VPS13A: variants seen among roughly 807,000 people sequenced by gnomAD.
The protein encoded by VPS13A is intermembrane lipid transfer protein VPS13A.
VPS13A carries 264 observed loss-of-function variants against 390.9 expected under a neutral mutation model. The ratio of observed to expected loss-of-function variants is 0.68; its 90% CI spans 0.61 to 0.75. The LOEUF is 0.75. VPS13A is among the 30% of genes least tolerant of loss of function. The pLI, the probability that VPS13A is intolerant of heterozygous loss-of-function variation, is 0.00. For synonymous variants in VPS13A, 1,231 were observed against 1,227.1 expected (o/e 1.00, Z -0.07); for missense variants, 3,409 against 3,733.9 (o/e 0.91, Z 2.27).
At position 77,210,638 on chromosome 9, in the gene VPS13A, T is replaced by C; in HGVS notation, c.518T>C (p.Leu173Pro). 6.2e-7 allele frequency: 1 copy of C among 1,613,938 alleles called. No homozygotes were observed. Among genetic ancestry groups the C allele is most frequent in the South Asian group, 1.1e-5 (1 of 91,080 alleles). ...TAGATCACAAATCGGGACAAACCGC[T>C]GTCATTTGGTATTTCCCTTCAAAAT... ...EDDITNRDKP[L>P]SFGISLQNLS... The change falls in exon 7 of 72, where the codon CTG becomes CCG. Residue 173 changes from leucine (L) to proline (P), a missense_variant. Transcript: ENST00000360280.
At chr9:77,293,038 A>G in intron 31 of VPS13A, among the ~76,000 whole-genome samples, 1 of 152,168 alleles carries the variant, frequency 6.6e-6, no homozygotes, top group East Asian at 1.9e-4. Context: ...TACTTGCAAA[A>G]TGAAAATGCA....
chr9:77,275,582 C>T lies in VPS13A; in HGVS notation c.2597C>T (p.Thr866Ile), dbSNP rs897113521. The change falls in exon 25 of 72, where the codon ACC becomes ATC. Residue 866 changes from threonine (T) to isoleucine (I), a missense_variant. Transcript: ENST00000360280. Reference protein sequence around the residue: ...QFPTGVKSIRTRKLQKQDCSV... With the variant: ...QFPTGVKSIRIRKLQKQDCSV... ...CCAACTGGAGTTAAAAGTATTCGAA[C>T]CAGAAAGTTACAAAAGCAGGATTGT... 1.2e-6 allele frequency: 2 copies of T among 1,613,456 alleles called. No individual in the cohort carries two copies. Among genetic ancestry groups the T allele is most frequent in the African/African-American group, 2.7e-5 (2 of 74,846 alleles).
At chr9:77,406,739 GAAGA>G (rs10545172) in intron 70 of VPS13A, among the ~76,000 whole-genome samples, 43,052 of 150,012 alleles carry the variant, frequency 0.29, 6,429 homozygotes, top group Middle Eastern at 0.36. Flanking sequence ...TTTTTAATTA[GAAGA>G]AAGAATGTAA....
intron 63 of VPS13A, 39 bp from the exon 64 acceptor site, chr9:77,370,218 T>A (rs368676261): frequency 6.3e-7 from 1 of 1,595,594 alleles, no homozygotes; most frequent in Admixed American, 1.7e-5. Context: ...AAAGTGAATA[T>A]AACTCACTCA....
chr9:77,237,327 C>T (rs1824207614), intron 17 of VPS13A, among the ~76,000 whole-genome samples: 1 of 152,018 alleles, frequency 6.6e-6, no homozygotes, highest in South Asian at 2.1e-4. Flanking sequence ...TAGTCATTCT[C>T]GAAGTCCTGC....
chr9:77,259,970 T>C, intron 22 of VPS13A, 116 bp from the exon 23 acceptor site: 1 of 755,800 alleles, frequency 1.3e-6, no homozygotes, highest in South Asian at 2.0e-5. Flanking sequence ...GGAATAGAGA[T>C]TTTTAGTGTT....
intron 67 of VPS13A, among the ~76,000 whole-genome samples, chr9:77,376,355 A>T (rs1049354595): frequency 3.3e-5 from 5 of 152,094 alleles, no homozygotes; most frequent in Non-Finnish European, 5.9e-5. Flanking sequence ...AAGCCAGAGA[A>T]ATGATGTGAG....
In VPS13A at chr9:77,315,363, G is replaced by A. The variant is rs756818592; in HGVS notation, c.4523G>A (p.Cys1508Tyr). 1.5e-5 allele frequency: 24 copies of A among 1,613,994 alleles called. No individual in the cohort carries two copies. The highest frequency in any genetic ancestry group is 2.0e-5 in the Non-Finnish European group (24 of 1,179,878). ...TDAVFQEMYICASVEFLQTVA... is the reference protein window; with the variant it reads ...TDAVFQEMYIYASVEFLQTVA... ...GCGGTCTTTCAAGAAATGTATATTTGTGCAAGCGTAGAATTTCTGCAGACT... is the reference window on the plus strand; with the variant it reads ...GCGGTCTTTCAAGAAATGTATATTTATGCAAGCGTAGAATTTCTGCAGACT... The change falls in exon 38 of 72, where the codon TGT becomes TAT. Residue 1508 changes from cysteine (C) to tyrosine (Y), a missense_variant. This residue lies in a region of VPS13A where 2,717 missense variants were observed against 2,917.4 expected (regional missense o/e 0.93). Coordinates refer to ENST00000360280, the MANE Select transcript of VPS13A (RefSeq NM_033305.3).
intron 19 of VPS13A, among the ~76,000 whole-genome samples, chr9:77,244,163 G>A (rs557324683): frequency 2.0e-5 from 3 of 152,210 alleles, no homozygotes; most frequent in East Asian, 3.9e-4. Flanking sequence ...GCTTGAGCCC[G>A]GGAGGTCAGG....
chr9:77,332,973 C>T (rs1830355879), intron 46 of VPS13A, among the ~76,000 whole-genome samples: 1 of 152,108 alleles, frequency 6.6e-6, no homozygotes, highest in African/African-American at 2.4e-5. Flanking sequence ...ATAGATCGAC[C>T]TGCTAAACCT....
rs774611138 is a variant in VPS13A, at chr9:77,280,284, T to TA, written c.2904+46_2904+47insA. The TA allele has an allele frequency of 2.7e-6, 4 of 1,479,216 alleles. No individual in the cohort carries two copies. The South Asian group carries it at 4.6e-5, about 17-fold the overall frequency. The allele number at this position is 1,479,216 out of a possible 1,614,324, so 91.6% of individuals were successfully genotyped here. A position where few individuals can be genotyped will look rare whatever the true frequency, so the allele number is the denominator to read the frequency against. On this transcript the variant is annotated intron_variant, in intron 27 of 71. Transcript: ENST00000360280. Reference sequence around the variant, plus strand: ...CTGCTTAATATGGTAAGTATGCTGCTGAAATGTTAAGTTTTGTAAGTTTGG... The same window carrying TA: ...CTGCTTAATATGGTAAGTATGCTGCTAGAAATGTTAAGTTTTGTAAGTTTGG...
chr9:77,319,207 A>AG lies in VPS13A; in HGVS notation c.5314-365_5314-364insG, dbSNP rs1564725221. 5.4e-5 allele frequency among the ~76,000 whole-genome samples: 8 copies of AG among 149,128 alleles called. No individual in the cohort carries two copies. In the South Asian group the frequency reaches 1.5e-3, roughly 28 times the overall value. On this transcript the variant is annotated intron_variant, in intron 41 of 71. Transcript: ENST00000360280. ...TGAGACCCAGACTCAAAAAAAAAAA[A>AG]AAGAAAAGAAAAGAGTTAAAGTTGA... is the stretch of plus-strand genomic sequence containing the variant.
At chr9:77,385,020 A>C in intron 68 of VPS13A, 1 of 1,034,010 alleles carries the variant, frequency 9.7e-7, no homozygotes, top group Non-Finnish European at 1.2e-6. Flanking sequence ...CTTATTTGTT[A>C]GCAAAATGCC....
chr9:77,407,810 C>A (rs997368319), intron 71 of VPS13A, among the ~76,000 whole-genome samples: 1 of 152,028 alleles, frequency 6.6e-6, no homozygotes, highest in African/African-American at 2.4e-5. Context: ...ATTCGGCATA[C>A]CTACTTGCTT....
chr9:77,349,204 G>T (rs1831322523), intron 52 of VPS13A, among the ~76,000 whole-genome samples: 2 of 151,430 alleles, frequency 1.3e-5, no homozygotes, highest in Admixed American at 6.6e-5. Context: ...TCCCTCCTTT[G>T]TTCTCTCCCT....
At position 77,366,750 on chromosome 9, in the gene VPS13A, T is replaced by C; in HGVS notation, c.8349T>C (p.Ser2783=). ...AGTTACATTTAAGTGTTTCACTGAG[T>C]TCCGGCAGAGAAGAAGCTAAAGATT... ...PIKLHLSVSL[S]SGREEAKDSK... Residue 2783 remains serine (S), a synonymous_variant, in exon 61 of 72, where the codon AGT becomes AGC. Coordinates refer to ENST00000360280, the MANE Select transcript of VPS13A (RefSeq NM_033305.3). 1.9e-6 allele frequency: 3 copies of C among 1,612,926 alleles called. No individual in the cohort carries two copies. Among genetic ancestry groups the C allele is most frequent in the Non-Finnish European group, 2.5e-6 (3 of 1,179,228 alleles).
intron 45 of VPS13A, among the ~76,000 whole-genome samples, chr9:77,330,374 T>C (rs1024594123): frequency 6.6e-6 from 1 of 152,186 alleles, no homozygotes; most frequent in Non-Finnish European, 1.5e-5. Context: ...TTTTCAAGCT[T>C]ATGCTCATTC....
In VPS13A at chr9:77,220,061, A is replaced by G; in HGVS notation, c.862A>G (p.Ile288Val). ...NLEIELHNIA[I>V]EFNKPQYFSI... The stretch of plus-strand genomic sequence containing the variant: ...GGAAATTGAGTTACATAACATAGCA[A>G]TTGAATTTAATAAACCACAGGTGAT... Residue 288 changes from isoleucine to valine, a missense_variant, in exon 11 of 72, where the codon ATT (isoleucine) becomes GTT (valine). Physicochemically the swap from Ile to Val is conservative, Grantham distance 29. Around this residue, in one of 5 missense-constraint regions of VPS13A, gnomAD observed 2,717 missense variants for 2,917.4 expected, o/e 0.93. Transcript: ENST00000360280. The G allele has an allele frequency of 6.2e-7, 1 of 1,610,164 alleles. No individual in the cohort carries two copies. The highest frequency in any genetic ancestry group is 8.5e-7 in the Non-Finnish European group (1 of 1,177,026).
chr9:77,399,181 TAA>T (rs1223344360), intron 68 of VPS13A, among the ~76,000 whole-genome samples: 320 of 34,976 alleles, frequency 9.1e-3, no homozygotes, highest in Non-Finnish European at 0.016. Context: ...AAAAAAAAAA[TAA>T]AAAAAAAAAA....
Sources: allele counts gnomAD v4.1 joint callset (sites outside exome capture counted in the v4.1 genomes callset), GRCh38; gene constraint gnomAD v4.1.1; regional missense constraint gnomAD v4.1.1; transcripts MANE v1.5; gene names NCBI Gene and HGNC (gene_info 2026-07-23, HGNC 2026-07-21).